GPRC5D: variants seen among roughly 807,000 people sequenced by gnomAD.
The protein encoded by GPRC5D is G protein-coupled receptor class C group 5 member D.
In GPRC5D, 20 loss-of-function variants were observed where a neutral mutation model predicts 29.3. That is an observed-to-expected ratio of 0.68 (90% CI 0.48 to 0.99). The LOEUF (loss-of-function observed/expected upper bound fraction) is 0.99, where lower values mean the gene tolerates loss of function less well. Among genes scored for constraint, GPRC5D ranks in the 50% least tolerant of loss-of-function variants. GPRC5D has a pLI of 0.00. For synonymous variants in GPRC5D, 178 were observed against 171.3 expected (o/e 1.04, Z -0.30); for missense variants, 384 against 423.6 (o/e 0.91, Z 0.82).
intron 1 of GPRC5D, among the ~76,000 whole-genome samples, chr12:12,944,062 G>A (rs1049389382): frequency 5.9e-5 from 9 of 152,026 alleles, no homozygotes; most frequent in African/African-American, 1.7e-4. Flanking sequence ...CATGCGGCCC[G>A]ATTCTGCACT....
At chr12:12,940,991 A>C (rs1863131123) in intron 2 of GPRC5D, 142 bp from the exon 4 acceptor site, 6 of 567,086 alleles carry the variant, frequency 1.1e-5, no homozygotes, top group African/African-American at 1.9e-5. Flanking sequence ...GGCTCACTGC[A>C]AACTCTGCCT....
At chr12:12,950,872 A>C (rs1863479431), upstream of GPRC5D, among the ~76,000 whole-genome samples, 1 of 151,768 alleles carries the variant, frequency 6.6e-6, no homozygotes, top group Non-Finnish European at 1.5e-5. Flanking sequence ...TAGGAGGCCA[A>C]GGTGGGTGGA....
At chr12:12,946,984 A>G (rs929234770) in intron 1 of GPRC5D, 1 of 152,204 alleles carries the variant, frequency 6.6e-6, no homozygotes, top group African/African-American at 2.4e-5. Context: ...TAAAGCACAT[A>G]AAACTTAAGA....
exon 1 of GPRC5D, chr12:12,950,175 G>C (rs1863457327): frequency 6.2e-7 from 1 of 1,613,838 alleles, no homozygotes; most frequent in Non-Finnish European, 8.5e-7. Flanking sequence ...AGAGCCCCAG[G>C]ACACTCAGGA....
intron 1 of GPRC5D, among the ~76,000 whole-genome samples, chr12:12,948,851 C>T (rs7358624): frequency 1.3e-5 from 2 of 152,146 alleles, no homozygotes; most frequent in Non-Finnish European, 2.9e-5. Flanking sequence ...TTTCTTTCTC[C>T]TAATGATCAC....
exon 1 of GPRC5D, chr12:12,949,915 A>G (rs868444223): frequency 2.5e-6 from 4 of 1,613,948 alleles, no homozygotes; most frequent in East Asian, 4.5e-5. Context: ...ATTCACAAAC[A>G]TCATACCTCT....
rs761967585 is a variant in GPRC5D at position 12,950,268 on chromosome 12, C to A, written c.117G>T (p.Leu39=). The change falls in exon 1 of 3, where the codon CTG becomes CTT. Residue 39 remains leucine (L), a synonymous_variant. Coordinates refer to ENST00000228887, the Ensembl canonical transcript of GPRC5D. Reference sequence around the variant, plus strand: ...TGAGGAAGAGAAATGCTAAGAGTAGCAGAATTGTGACCACGATGCCAAGTA... The same window carrying A: ...TGAGGAAGAGAAATGCTAAGAGTAGAAGAATTGTGACCACGATGCCAAGTA... 5 of 1,613,904 alleles carry A rather than the reference C, an allele frequency of 3.1e-6. No individual in the cohort carries two copies. The South Asian group carries it at 4.4e-5, about 14-fold the overall frequency.
chr12:12,948,566 G>A (rs1341479320), intron 1 of GPRC5D: 3 of 154,280 alleles, frequency 1.9e-5, no homozygotes, highest in Non-Finnish European at 4.4e-5. Flanking sequence ...GAAATAAAAT[G>A]TGAGAAATCA....
chr12:12,944,481 G>A (rs1863224070), intron 1 of GPRC5D: 2 of 141,840 alleles, frequency 1.4e-5, no homozygotes. Flanking sequence ...CCCCTGGTAA[G>A]GTGAGTGTGC....
chr12:12,949,908 C>T (rs755910423), exon 1 of GPRC5D: 1 of 1,614,094 alleles, frequency 6.2e-7, no homozygotes, highest in South Asian at 1.1e-5. Context: ...GTGTCATATT[C>T]ACAAACATCA....
chr12:12,943,689 G>A (rs752691076), intron 1 of GPRC5D, among the ~76,000 whole-genome samples: 2 of 150,528 alleles, frequency 1.3e-5, no homozygotes, highest in Non-Finnish European at 2.9e-5. Context: ...TTTCCTTCAT[G>A]GCAGAACAAA....
intron 1 of GPRC5D, chr12:12,944,517 G>T (rs17819528): frequency 2.0e-5 from 3 of 151,952 alleles, no homozygotes; most frequent in African/African-American, 7.3e-5. Context: ...GTTCAAAAAG[G>T]GCTATGTTCA....
chr12:12,941,439 G>C (rs926599234), intron 2 of GPRC5D, among the ~76,000 whole-genome samples: 3 of 152,120 alleles, frequency 2.0e-5, no homozygotes, highest in African/African-American at 7.2e-5. Flanking sequence ...CCCTCCTGAG[G>C]GTTGATTAAA....
At chr12:12,951,186 C>G (rs532837153), upstream of GPRC5D, among the ~76,000 whole-genome samples, 1 of 152,288 alleles carries the variant, frequency 6.6e-6, no homozygotes, top group African/African-American at 2.4e-5. Flanking sequence ...TCGCACCAAC[C>G]TAATACCTAC....
intron 1 of GPRC5D, among the ~76,000 whole-genome samples, chr12:12,946,419 TC>T (rs1474387448): frequency 1.7e-4 from 7 of 42,092 alleles, no homozygotes; most frequent in Admixed American, 4.1e-4. Flanking sequence ...TCTCTTTCTC[TC>T]TCTCTCTTTC....
At chr12:12,949,670 C>G (rs201988511) in exon 1 of GPRC5D, 1 of 1,614,034 alleles carries the variant, frequency 6.2e-7, no homozygotes, top group Non-Finnish European at 8.5e-7. Context: ...ACGACCGGGT[C>G]GTCCCACTGG....
chr12:12,946,827 C>T (rs1366427742), intron 1 of GPRC5D, among the ~76,000 whole-genome samples: 1 of 152,074 alleles, frequency 6.6e-6, no homozygotes, highest in East Asian at 1.9e-4. Context: ...GGTCTCATAA[C>T]CCAGTGGTAA....
Position 12,949,362 on chromosome 12 carries a change from A to T in GPRC5D, c.895+128T>A, listed in dbSNP as rs181460133. The T allele has an allele frequency of 9.6e-5, 73 of 757,728 alleles. No homozygotes were observed. The Admixed American group carries it at 1.7e-3, about 18-fold the overall frequency. 46.9% of individuals were successfully genotyped at this position (757,728 alleles called of 1,614,324 possible). Reference sequence around the variant, plus strand: ...GAGTCTGCATTTCTATGCTTGAACTATGAAGCCACCCACCCCAAATCTGAC... The same window carrying T: ...GAGTCTGCATTTCTATGCTTGAACTTTGAAGCCACCCACCCCAAATCTGAC... On this transcript the variant is annotated intron_variant, in intron 1 of 2. Coordinates refer to ENST00000228887, the Ensembl canonical transcript of GPRC5D.
intron 1 of GPRC5D, among the ~76,000 whole-genome samples, chr12:12,942,655 A>G (rs1863183503): frequency 6.6e-6 from 1 of 152,194 alleles, no homozygotes; most frequent in Admixed American, 6.5e-5. Flanking sequence ...GAATTTCTTG[A>G]ACCTGGGAGG....
Sources: allele counts gnomAD v4.1 joint callset (sites outside exome capture counted in the v4.1 genomes callset), GRCh38; gene constraint gnomAD v4.1.1; transcripts MANE v1.5; gene names NCBI Gene and HGNC (gene_info 2026-07-23, HGNC 2026-07-21).